SLC11A2: variants seen among roughly 807,000 people sequenced by gnomAD.
SLC11A2 encodes solute carrier family 11 member 2, also known as natural resistance-associated macrophage protein 2.
A neutral mutation model predicts 68.0 loss-of-function variants in SLC11A2; 38 were observed. That is an observed-to-expected ratio of 0.56 (90% CI 0.43 to 0.73). The LOEUF (loss-of-function observed/expected upper bound fraction) is 0.73. Among genes scored for constraint, SLC11A2 ranks in the 30% least tolerant of loss-of-function variants. SLC11A2 has a pLI of 0.00. For synonymous variants in SLC11A2, 242 were observed against 250.6 expected, an observed-to-expected ratio of 0.97 and a Z score of 0.32; for missense variants, 517 against 690.5, an observed-to-expected ratio of 0.75 and a Z score of 2.82.
Position 51,003,303 on chromosome 12 carries a change from G to A in SLC11A2, c.429+1485C>T, listed in dbSNP as rs1483250035. ...CTGTAATCCCAGCACTTTGGGAGGC[G>A]AAGGCTGGCAGATCACCTAAGGCCA... On this transcript the variant is annotated intron_variant, in intron 5 of 15. Transcript: ENST00000262052. 4.0e-5 allele frequency among the ~76,000 whole-genome samples: 6 copies of A among 150,922 alleles called. No homozygotes were observed. The East Asian group carries it at 5.9e-4, about 15-fold the overall frequency.
chr12:50,952,710 C>A, the SLC11A2 span, among the ~76,000 whole-genome samples: 54 of 152,294 alleles, frequency 3.5e-4, no homozygotes, highest in African/African-American at 1.3e-3. Context: ...ATGGCCTTAC[C>A]GCCAGGTGAG....
chr12:50,972,309 A>G, the SLC11A2 span, among the ~76,000 whole-genome samples: 39,452 of 152,138 alleles, frequency 0.26, 5,477 homozygotes, highest in South Asian at 0.36. Context: ...TACTCTGAGA[A>G]AGCTAAAGTA....
chr12:50,970,611 A>G, the SLC11A2 span: 1 of 697,576 alleles, frequency 1.4e-6, no homozygotes. Flanking sequence ...AGTGTCACAG[A>G]ATGCTCATAG....
intron 1 of SLC11A2, among the ~76,000 whole-genome samples, chr12:51,023,768 C>T (rs1037512505): frequency 2.6e-5 from 4 of 152,132 alleles, no homozygotes; most frequent in Admixed American, 6.6e-5. Context: ...TGGTTGGGCA[C>T]GGTGGCTGGC....
At chr12:50,954,747 C>CA in the SLC11A2 span, among the ~76,000 whole-genome samples, 1 of 151,842 alleles carries the variant, frequency 6.6e-6, no homozygotes, top group African/African-American at 2.4e-5. Context: ...AACAAATAAA[C>CA]AAAAAACCAA....
At chr12:50,967,659 T>C in the SLC11A2 span, among the ~76,000 whole-genome samples, 1 of 152,168 alleles carries the variant, frequency 6.6e-6, no homozygotes, top group African/African-American at 2.4e-5. Context: ...AACATGGCCA[T>C]TAATGCCTTT....
At chr12:51,000,601 G>T in intron 5 of SLC11A2, 182 bp from the exon 6 acceptor site, 1 of 625,592 alleles carries the variant, frequency 1.6e-6, no homozygotes, top group Non-Finnish European at 2.9e-6. Flanking sequence ...CTCTCACCTG[G>T]AGAAGGAAAA....
At chr12:50,961,073 A>G in the SLC11A2 span, 2 of 1,613,926 alleles carry the variant, frequency 1.2e-6, no homozygotes, top group Admixed American at 1.7e-5. Context: ...GTTGCTGCCC[A>G]AGGATTTGTT....
At chr12:50,992,789 C>T (rs1941304257) in intron 12 of SLC11A2, 21 bp downstream of exon 12, 11 of 1,606,128 alleles carry the variant, frequency 6.8e-6, no homozygotes, top group Non-Finnish European at 8.5e-6. Context: ...TTATCTCCCT[C>T]TATCCTATAC....
At chr12:50,973,566 C>CT in the SLC11A2 span, among the ~76,000 whole-genome samples, 1 of 152,196 alleles carries the variant, frequency 6.6e-6, no homozygotes, top group East Asian at 1.9e-4. Context: ...ACTGAAAATT[C>CT]AAAAAATCAG....
chr12:50,987,300 A>G lies in SLC11A2; in HGVS notation c.*1025T>C, dbSNP rs1940680922. 7.8e-7 allele frequency: 1 copy of G among 1,287,116 alleles called. No homozygotes were observed. Among genetic ancestry groups the G allele is most frequent in the African/African-American group, 1.5e-5 (1 of 65,800 alleles). 79.7% of individuals were successfully genotyped at this position (1,287,116 alleles called of 1,614,324 possible). On this transcript the variant is annotated 3_prime_UTR_variant, in exon 16 of 16. Coordinates refer to ENST00000262052, the MANE Select transcript of SLC11A2 (RefSeq NM_000617.3). Reference sequence around the variant, plus strand: ...AAGACAGTGTGCTTTGCAACGGTTAAGTCCACAGCTCCTGAGATTGCCTCG... The same window carrying G: ...AAGACAGTGTGCTTTGCAACGGTTAGGTCCACAGCTCCTGAGATTGCCTCG...
At chr12:51,024,804 T>A (rs993071868) in intron 1 of SLC11A2, 1 of 152,170 alleles carries the variant, frequency 6.6e-6, no homozygotes, top group African/African-American at 2.4e-5. Context: ...AAGATTAGAT[T>A]CATAAGAAGC....
At chr12:51,014,817 A>G (rs1943503358) in intron 1 of SLC11A2, among the ~76,000 whole-genome samples, 1 of 151,722 alleles carries the variant, frequency 6.6e-6, no homozygotes, top group African/African-American at 2.4e-5. Flanking sequence ...CATGCCACTG[A>G]ACTCCAGCCT....
At chr12:51,020,045 G>T (rs1048260662) in intron 1 of SLC11A2, among the ~76,000 whole-genome samples, 1 of 152,102 alleles carries the variant, frequency 6.6e-6, no homozygotes, top group Admixed American at 6.6e-5. Flanking sequence ...AAGGTATAAA[G>T]TCTGGTATTG....
chr12:50,961,200 G>A, the SLC11A2 span: 8 of 1,238,252 alleles, frequency 6.5e-6, no homozygotes, highest in Non-Finnish European at 7.9e-6. Flanking sequence ...GGGTCACAAT[G>A]ATGTAATGAG....
downstream of SLC11A2, among the ~76,000 whole-genome samples, chr12:50,978,051 A>T (rs1939873137): frequency 6.6e-6 from 1 of 152,224 alleles, no homozygotes; most frequent in African/African-American, 2.4e-5. Flanking sequence ...GTGGGACTGT[A>T]AACTGGTTCA....
Position 50,991,679 on chromosome 12 carries a change from A to G in SLC11A2, c.1348-7T>C. On this transcript the variant is annotated splice_region_variant and splice_polypyrimidine_tract_variant and intron_variant, in intron 13 of 15. Coordinates refer to ENST00000262052, the MANE Select transcript of SLC11A2 (RefSeq NM_000617.3). ...GTATGAGAGCAAAGGGAAGCTGGAA[A>G]AGAAAGAAGATCAGATGGGATTACT... is the stretch of plus-strand genomic sequence containing the variant. 6.2e-7 allele frequency: 1 copy of G among 1,612,336 alleles called. No individual in the cohort carries two copies. Among genetic ancestry groups the G allele is most frequent in the South Asian group, 1.1e-5 (1 of 90,776 alleles).
the SLC11A2 span, among the ~76,000 whole-genome samples, chr12:50,961,630 A>G: frequency 2.6e-5 from 4 of 152,220 alleles, no homozygotes; most frequent in African/African-American, 9.6e-5. Flanking sequence ...AAATCCAAAG[A>G]AAAGGTATAA....
downstream of SLC11A2, chr12:50,981,441 A>G (rs934939003): frequency 4.0e-6 from 1 of 251,510 alleles, no homozygotes; most frequent in East Asian, 8.5e-5. Context: ...ATATACATAT[A>G]TATCTTTTAA....
Sources: gnomAD v4.1 joint callset for allele counts (sites outside exome capture counted in the v4.1 genomes callset) on GRCh38, gnomAD v4.1.1 for gene constraint, MANE v1.5 for transcripts, NCBI Gene and HGNC (gene_info 2026-07-23, HGNC 2026-07-21) for gene names.